The following RGS22 variants were observed in gnomAD, a reference collection of about 807,000 sequenced individuals.
RGS22 encodes regulator of G protein signaling 22, also known as regulator of G-protein signaling 22.
In RGS22, 148 loss-of-function variants were observed where a neutral mutation model predicts 172.9. The observed-to-expected ratio is 0.86, with a 90% CI of 0.75 to 0.98. RGS22 has a LOEUF of 0.98. Ranked by LOEUF, RGS22 falls within the 50% of genes least tolerant of loss-of-function variation. The pLI is 0.00. For synonymous variants in RGS22, 458 were observed against 480.2 expected (o/e 0.95, Z 0.60); for missense variants, 1,347 against 1,440.8 (o/e 0.93, Z 1.05).
At chr8:100,068,252 G>C (rs1810680908) in intron 6 of RGS22, among the ~76,000 whole-genome samples, 1 of 151,998 alleles carries the variant, frequency 6.6e-6, no homozygotes, top group Non-Finnish European at 1.5e-5. Context: ...GCCAGGAATG[G>C]TGATGCACTC....
At chr8:100,073,170 G>A (rs1162928550) in intron 4 of RGS22, among the ~76,000 whole-genome samples, 1 of 152,100 alleles carries the variant, frequency 6.6e-6, no homozygotes, top group Admixed American at 6.5e-5. Flanking sequence ...TCTCAGTGAG[G>A]TAAATGTATT....
At chr8:99,998,019 T>C (rs899110676) in intron 19 of RGS22, among the ~76,000 whole-genome samples, 9 of 152,184 alleles carry the variant, frequency 5.9e-5, no homozygotes, top group African/African-American at 2.2e-4. Context: ...GTTCAATAAA[T>C]GACATCTTTC....
chr8:100,102,273 C>T (rs970092746), intron 2 of RGS22, among the ~76,000 whole-genome samples: 3 of 152,138 alleles, frequency 2.0e-5, no homozygotes, highest in African/African-American at 4.8e-5. Flanking sequence ...CTGCCTACAT[C>T]GTATTGGCCA....
chr8:100,006,108 A>T lies in RGS22; in HGVS notation c.2363T>A (p.Val788Glu), dbSNP rs1168884514. 1 of 1,610,618 alleles carries T rather than the reference A, an allele frequency of 6.2e-7. No homozygotes were observed. The highest frequency in any genetic ancestry group is 1.1e-5 in the South Asian group (1 of 90,678). ...CTGTCGAGTTTCTTCCACCAGCTCC[A>T]CCTAAAAAAAATAAATAAAGCTTGT... ...VKSDQIAYKK[V>E]ELVEETRQLD... The change falls in exon 16 of 28, where the codon GTG (valine) becomes GAG (glutamate). Residue 788 changes from valine to glutamate, a missense_variant and splice_region_variant. Val to Glu is a moderately radical substitution (Grantham distance 121, BLOSUM62 -2). Coordinates refer to ENST00000360863, the MANE Select transcript of RGS22 (RefSeq NM_015668.5).
chr8:100,055,431 C>T (rs1405165513), intron 9 of RGS22, among the ~76,000 whole-genome samples: 3 of 152,184 alleles, frequency 2.0e-5, no homozygotes, highest in African/African-American at 7.2e-5. Context: ...CATTACTAAC[C>T]TTAGGGTGCC....
intron 23 of RGS22, among the ~76,000 whole-genome samples, chr8:99,972,713 C>A (rs1811494328): frequency 6.6e-6 from 1 of 152,156 alleles, no homozygotes; most frequent in Admixed American, 6.5e-5. Flanking sequence ...TACCATCTCA[C>A]ACCAGTTAGA....
chr8:99,990,230 C>A (rs1563582234), intron 20 of RGS22, among the ~76,000 whole-genome samples: 1 of 152,096 alleles, frequency 6.6e-6, no homozygotes, highest in African/African-American at 2.4e-5. Flanking sequence ...TATGATCATA[C>A]TACTGCACGG....
At chr8:99,978,991 T>C (rs1812265193) in intron 22 of RGS22, among the ~76,000 whole-genome samples, 1 of 152,236 alleles carries the variant, frequency 6.6e-6, no homozygotes, top group South Asian at 2.1e-4. Flanking sequence ...TGAATGCTAT[T>C]AGTAATACTA....
chr8:100,105,669 T>C, intron 1 of RGS22: 1 of 575,778 alleles, frequency 1.7e-6, no homozygotes, highest in South Asian at 2.2e-5. Context: ...CCCTCTATTA[T>C]TCTACGTACA....
Position 100,008,484 on chromosome 8 carries a change from A to C in RGS22, c.2252T>G (p.Ile751Arg). Residue 751 changes from isoleucine (I) to arginine (R), a missense_variant, in exon 15 of 28, where the codon ATA (isoleucine) becomes AGA (arginine). Coordinates refer to ENST00000360863, the MANE Select transcript of RGS22 (RefSeq NM_015668.5). ...AAAAAGGTCTTCAAATGGTGGCTGTATTTTCATATAAATTTCTTTTTTCTT... is the reference window on the plus strand; with the variant it reads ...AAAAAGGTCTTCAAATGGTGGCTGTCTTTTCATATAAATTTCTTTTTTCTT... ...QEKKKEIYMK[I>R]QPPFEDLFDT... The C allele has an allele frequency of 3.1e-6, 5 of 1,613,430 alleles. No individual in the cohort carries two copies. Among genetic ancestry groups the C allele is most frequent in the Non-Finnish European group, 4.2e-6 (5 of 1,179,700 alleles).
At chr8:100,007,736 T>G (rs1313992476) in intron 15 of RGS22, among the ~76,000 whole-genome samples, 1 of 147,072 alleles carries the variant, frequency 6.8e-6, no homozygotes, top group Non-Finnish European at 1.5e-5. Context: ...GAGCAAAAAA[T>G]GACATAAAGT....
At chr8:99,977,828 A>C in intron 23 of RGS22, 89 bp downstream of exon 23, 1 of 1,124,250 alleles carries the variant, frequency 8.9e-7, no homozygotes, top group Non-Finnish European at 1.3e-6. Flanking sequence ...ACTTCTCTCT[A>C]TATATCCCCA....
intron 24 of RGS22, among the ~76,000 whole-genome samples, chr8:99,963,749 T>C (rs1441267767): frequency 1.3e-5 from 2 of 152,172 alleles, no homozygotes; most frequent in African/African-American, 2.4e-5. Context: ...TGTGGATAGG[T>C]TATATGCAAA....
At chr8:100,033,464 C>T (rs571772507) in intron 14 of RGS22, among the ~76,000 whole-genome samples, 1 of 151,900 alleles carries the variant, frequency 6.6e-6, no homozygotes, top group South Asian at 2.1e-4. Flanking sequence ...CAAGACTAAA[C>T]CAGGAAGAAG....
At chr8:100,076,261 A>G (rs1811341259) in intron 4 of RGS22, among the ~76,000 whole-genome samples, 1 of 152,170 alleles carries the variant, frequency 6.6e-6, no homozygotes, top group African/African-American at 2.4e-5. Context: ...TTGGTGTCAT[A>G]TCTAACAAAA....
At position 100,041,908 on chromosome 8, in the gene RGS22, T is replaced by A; in HGVS notation, c.1832A>T (p.Tyr611Phe). Reference sequence around the variant, plus strand: ...AATGACTTTGCTGCTTTCTGACATGTACTTTGACCTAAATTATAAGGATGA... The same window carrying A: ...AATGACTTTGCTGCTTTCTGACATGAACTTTGACCTAAATTATAAGGATGA... ...KDDVIEKGSK[Y>F]MSESSKVIHL... The change falls in exon 12 of 28, where the codon TAC becomes TTC. Residue 611 changes from tyrosine to phenylalanine, a missense_variant. Tyr to Phe is a conservative substitution (Grantham distance 22). Coordinates refer to ENST00000360863, the MANE Select transcript of RGS22 (RefSeq NM_015668.5). 6.3e-7 allele frequency: 1 copy of A among 1,595,338 alleles called. No individual in the cohort carries two copies. Among genetic ancestry groups the A allele is most frequent in the East Asian group, 2.2e-5 (1 of 44,606 alleles).
chr8:99,964,703 T>C (rs1313162166), intron 24 of RGS22, among the ~76,000 whole-genome samples: 1 of 152,180 alleles, frequency 6.6e-6, no homozygotes, highest in African/African-American at 2.4e-5. Flanking sequence ...GCTTCATAGT[T>C]AGCCAGTTAT....
At position 100,089,244 on chromosome 8, in the gene RGS22, CATAAG is replaced by C. The variant is rs1047727493; in HGVS notation, c.117+4198_117+4202del. Among the ~76,000 whole-genome samples, 49 of 150,140 alleles carry C rather than the reference CATAAG, an allele frequency of 3.3e-4. No individual in the cohort carries two copies. In the Middle Eastern group the frequency reaches 0.01, roughly 31 times the overall value. On this transcript the variant is annotated intron_variant, in intron 3 of 27. Coordinates refer to ENST00000360863, the MANE Select transcript of RGS22 (RefSeq NM_015668.5). ...CACACACACACACACACGATATTCT[CATAAG>C]ATGATTTTCTAACCTCTACTTGAAT...
rs1449341025 is a variant in RGS22 at position 99,977,970 on chromosome 8, A to C, written c.3466T>G (p.Tyr1156Asp). 1 of 1,563,298 alleles carries C rather than the reference A, an allele frequency of 6.4e-7. No individual in the cohort carries two copies. The highest frequency in any genetic ancestry group is 8.6e-7 in the Non-Finnish European group (1 of 1,162,876). Residue 1156 changes from tyrosine to aspartate, a missense_variant, in exon 23 of 28, where the codon TAT becomes GAT. Transcript: ENST00000360863. ...GCCAATTTTTTTTTCTGCTTATTAT[A>C]TTCTTGTCTTCTCTCTAAAACACTC... ...IMSVLERRQE[Y>D]NKQKKKLAVL...
Sources: allele counts gnomAD v4.1 joint callset (sites outside exome capture counted in the v4.1 genomes callset), GRCh38; gene constraint gnomAD v4.1.1; transcripts MANE v1.5; gene names NCBI Gene and HGNC (gene_info 2026-07-23, HGNC 2026-07-21).